SUGCT: variants seen among roughly 807,000 people sequenced by gnomAD.
SUGCT encodes the protein succinyl-CoA:glutarate CoA-transferase.
In SUGCT, 41 loss-of-function variants were observed where a neutral mutation model predicts 55.0. The observed-to-expected ratio is 0.74, with a 90% CI of 0.58 to 0.97. The LOEUF (loss-of-function observed/expected upper bound fraction) is 0.97. SUGCT is among the 50% of genes least tolerant of loss of function. The pLI, the probability that SUGCT is intolerant of heterozygous loss-of-function variation, is 0.00. For missense variants in SUGCT, 568 were observed against 547.8 expected (o/e 1.04, Z -0.37); for synonymous variants, 187 against 200.4 (o/e 0.93, Z 0.56).
intron 1 of SUGCT, among the ~76,000 whole-genome samples, chr7:40,172,863 C>G (rs572445125): frequency 6.6e-6 from 1 of 152,302 alleles, no homozygotes; most frequent in African/African-American, 2.4e-5. Flanking sequence ...TTAAGTCCAG[C>G]AGCCATGCTA....
At chr7:41,025,549 A>G in the SUGCT span, among the ~76,000 whole-genome samples, 1 of 151,980 alleles carries the variant, frequency 6.6e-6, no homozygotes. Flanking sequence ...TAGAGATAGG[A>G]TTTCACCATA....
At chr7:40,695,736 A>T (rs1176815055) in intron 12 of SUGCT, among the ~76,000 whole-genome samples, 1 of 152,158 alleles carries the variant, frequency 6.6e-6, no homozygotes, top group East Asian at 1.9e-4. Flanking sequence ...TTGGGTTAAG[A>T]ATAATCGTTA....
intron 13 of SUGCT, among the ~76,000 whole-genome samples, chr7:40,836,839 G>A (rs962493895): frequency 6.6e-6 from 1 of 152,054 alleles, no homozygotes; most frequent in African/African-American, 2.4e-5. Flanking sequence ...CAACACCTTT[G>A]TTTAACTGTT....
At chr7:41,025,754 T>G in the SUGCT span, among the ~76,000 whole-genome samples, 189 of 152,284 alleles carry the variant, frequency 1.2e-3, 2 homozygotes, top group African/African-American at 4.4e-3. Flanking sequence ...GAAAAAATGT[T>G]AAATTCTGTA....
intron 9 of SUGCT, among the ~76,000 whole-genome samples, chr7:40,336,426 G>T (rs1399512643): frequency 1.3e-5 from 2 of 152,090 alleles, no homozygotes; most frequent in East Asian, 1.9e-4. Context: ...CAATTTCAGA[G>T]CCTGTTATTG....
At chr7:40,557,473 A>C (rs553825322) in intron 12 of SUGCT, among the ~76,000 whole-genome samples, 42 of 152,332 alleles carry the variant, frequency 2.8e-4, no homozygotes, top group Non-Finnish European at 5.4e-4. Flanking sequence ...ACTTTTGTAC[A>C]TCACAAGACA....
chr7:40,322,596 T>A (rs138386802), intron 9 of SUGCT, among the ~76,000 whole-genome samples: 1,799 of 152,266 alleles, frequency 0.012, 15 homozygotes, highest in Middle Eastern at 0.02. Context: ...TCAGCTATAG[T>A]GTTGCCCTCA....
chr7:40,289,557 G>A (rs1793592168), intron 8 of SUGCT, among the ~76,000 whole-genome samples: 1 of 152,066 alleles, frequency 6.6e-6, no homozygotes, highest in Non-Finnish European at 1.5e-5. Flanking sequence ...CATACTGAAT[G>A]GGCAAAAACT....
rs1189598164 is a variant in SUGCT, at chr7:40,806,194, AC to A, written c.1154-54121del. On this transcript the variant is annotated intron_variant, in intron 13 of 13. Coordinates refer to ENST00000335693, the MANE Select transcript of SUGCT (RefSeq NM_001193313.2). ...GCTTTTAAAAAGGGGCGATGTCTAA[AC>A]TCTGTAACGTTGGTGGAGTTTTGTT... 2.0e-5 allele frequency among the ~76,000 whole-genome samples: 3 copies of A among 152,178 alleles called. No homozygotes were observed. In the East Asian group the frequency reaches 5.8e-4, roughly 29 times the overall value.
At chr7:40,536,175 T>G (rs1373465105) in intron 12 of SUGCT, among the ~76,000 whole-genome samples, 1 of 152,216 alleles carries the variant, frequency 6.6e-6, no homozygotes, top group Admixed American at 6.5e-5. Context: ...TTAGTTTAAT[T>G]AGACCCCACA....
chr7:40,276,496 C>G (rs1792488381), intron 8 of SUGCT, among the ~76,000 whole-genome samples: 1 of 152,154 alleles, frequency 6.6e-6, no homozygotes, highest in Non-Finnish European at 1.5e-5. Context: ...TTATTTACAC[C>G]AGTACTCACA....
chr7:40,413,166 T>G (rs1004298520), intron 9 of SUGCT, among the ~76,000 whole-genome samples: 8 of 152,208 alleles, frequency 5.3e-5, no homozygotes, highest in African/African-American at 1.9e-4. Context: ...TTTATATTAG[T>G]GACCAAGCAA....
chr7:40,598,501 T>C (rs1285253609), intron 12 of SUGCT, among the ~76,000 whole-genome samples: 1 of 152,176 alleles, frequency 6.6e-6, no homozygotes, highest in Non-Finnish European at 1.5e-5. Context: ...TGATAATTGT[T>C]CTGGGCATTC....
intron 11 of SUGCT, among the ~76,000 whole-genome samples, chr7:40,485,814 A>T (rs1791310840): frequency 1.3e-5 from 2 of 152,108 alleles, no homozygotes; most frequent in Non-Finnish European, 2.9e-5. Context: ...TGAAATGATT[A>T]TTCTGTTAGT....
At chr7:40,373,288 C>CAGAATCTATAGATTCTAGAAAATTT (rs1239496431) in intron 9 of SUGCT, among the ~76,000 whole-genome samples, 8,660 of 18,184 alleles carry the variant, frequency 0.48, 3,923 homozygotes, top group African/African-American at 0.54. Flanking sequence ...ATATAGAATT[C>CAGAATCTATAGATTCTAGAAAATTT]AGAATCTATA....
chr7:40,257,204 T>G (rs1272601126), intron 7 of SUGCT, among the ~76,000 whole-genome samples: 1 of 152,152 alleles, frequency 6.6e-6, no homozygotes, highest in Non-Finnish European at 1.5e-5. Context: ...CCACCACACT[T>G]GGCAAATTTT....
At chr7:40,341,941 A>T (rs73135089) in intron 9 of SUGCT, among the ~76,000 whole-genome samples, 1 of 152,178 alleles carries the variant, frequency 6.6e-6, no homozygotes, top group East Asian at 1.9e-4. Context: ...CTGGTTTCAG[A>T]TCCTGACTCA....
intron 7 of SUGCT, among the ~76,000 whole-genome samples, chr7:40,247,727 C>T (rs1562610034): frequency 6.6e-6 from 1 of 152,026 alleles, no homozygotes. Context: ...GAGTGTTAGT[C>T]TTTTCCTCAG....
chr7:40,682,901 A>G (rs1784315877), intron 12 of SUGCT, among the ~76,000 whole-genome samples: 1 of 152,178 alleles, frequency 6.6e-6, no homozygotes, highest in Non-Finnish European at 1.5e-5. Context: ...AGGAAAAGAT[A>G]TGTTTGAAAA....
Sources: allele counts gnomAD v4.1 joint callset (sites outside exome capture counted in the v4.1 genomes callset), GRCh38; gene constraint gnomAD v4.1.1; transcripts MANE v1.5; gene names NCBI Gene and HGNC (gene_info 2026-07-23, HGNC 2026-07-21).